The following CYP2C8 variants were observed in gnomAD, a reference collection of about 807,000 sequenced individuals.
CYP2C8 encodes cytochrome P450 2C8.
A neutral mutation model predicts 41.3 loss-of-function variants in CYP2C8; 51 were observed. The observed-to-expected ratio is 1.24, with a 90% CI of 0.99 to 1.56. The LOEUF is 1.56. Among genes scored for constraint, CYP2C8 ranks in the 40% most tolerant of loss-of-function variants. The pLI is 0.00. For synonymous variants in CYP2C8, 218 were observed against 205.8 expected (o/e 1.06, Z -0.51); for missense variants, 651 against 579.9 (o/e 1.12, Z -1.26).
rs532185977 is a variant in CYP2C8 at position 95,069,432 on chromosome 10, G to A, written c.-30C>T. 4.6e-5 allele frequency: 73 copies of A among 1,601,652 alleles called. No homozygotes were observed. The South Asian group carries it at 7.0e-4, about 15-fold the overall frequency. On this transcript the variant is annotated 5_prime_UTR_variant, in exon 1 of 9. Transcript: ENST00000371270. Reference sequence around the variant, plus strand: ...GCCTTCTCTTCTTATTAAGACAGCTGTGAGCTTGCACTCCAAAGTTTTTAT... The same window carrying A: ...GCCTTCTCTTCTTATTAAGACAGCTATGAGCTTGCACTCCAAAGTTTTTAT...
intron 3 of CYP2C8, 44 bp from the exon 4 acceptor site, chr10:95,065,004 A>G (rs1002508629): frequency 3.7e-6 from 5 of 1,353,164 alleles, no homozygotes; most frequent in East Asian, 2.8e-5. Flanking sequence ...AAAAATAAAT[A>G]TTTAAAAGAT....
chr10:95,063,196 G>T (rs146803608), intron 4 of CYP2C8, among the ~76,000 whole-genome samples: 2 of 152,120 alleles, frequency 1.3e-5, no homozygotes, highest in African/African-American at 2.4e-5. Flanking sequence ...GCCTTCCTAG[G>T]TTGGGGAAGT....
In CYP2C8 at chr10:95,042,998, G is replaced by A. The variant is rs1033533057; in HGVS notation, c.1041C>T (p.Tyr347=). ...PCMQDRSHMP[Y]TDAVVHEIQR... ...GGATCTCGTGCACTACAGCATCAGT[G>A]TAAGGCATGTGGCTCCTATCCTGCA... is the stretch of plus-strand genomic sequence containing the variant. The change falls in exon 7 of 9, where the codon TAC becomes TAT. Residue 347 remains tyrosine (Y), a synonymous_variant. Transcript: ENST00000371270. The A allele has an allele frequency of 1.7e-5, 27 of 1,614,202 alleles. No individual in the cohort carries two copies. The highest frequency in any genetic ancestry group is 2.2e-5 in the Non-Finnish European group (26 of 1,180,020).
chr10:95,043,011 C>T lies in CYP2C8; in HGVS notation c.1028G>A (p.Ser343Asn), dbSNP rs148442781. 6.2e-7 allele frequency: 1 copy of T among 1,614,146 alleles called. No homozygotes were observed. Among genetic ancestry groups the T allele is most frequent in the South Asian group, 1.1e-5 (1 of 91,080 alleles). ...TACAGCATCAGTGTAAGGCATGTGG[C>T]TCCTATCCTGCATGCAGGGGCTCCT... is the stretch of plus-strand genomic sequence containing the variant. ...RHRSPCMQDR[S>N]HMPYTDAVVH... Residue 343 changes from serine to asparagine, a missense_variant, in exon 7 of 9, where the codon AGC becomes AAC. By Grantham distance (46) the Ser-to-Asn change is conservative. Transcript: ENST00000371270.
chr10:95,063,572 C>T (rs536777119), intron 4 of CYP2C8, among the ~76,000 whole-genome samples: 16 of 152,122 alleles, frequency 1.1e-4, no homozygotes, highest in South Asian at 2.1e-4. Flanking sequence ...AACTTCTTTG[C>T]GATGGGTTTG....
chr10:95,045,780 A>G (rs1207581415), intron 6 of CYP2C8, 30 bp downstream of exon 6: 1 of 1,613,696 alleles, frequency 6.2e-7, no homozygotes, highest in South Asian at 1.1e-5. Context: ...TTGTTCTGAA[A>G]TTCACTTTGT....
At chr10:95,047,506 G>A (rs1287611150) in intron 5 of CYP2C8, among the ~76,000 whole-genome samples, 6 of 152,092 alleles carry the variant, frequency 3.9e-5, no homozygotes, top group Non-Finnish European at 7.4e-5. Context: ...GAAATATAGT[G>A]AAAGAGAATG....
chr10:95,041,004 T>A (rs530876390), intron 7 of CYP2C8: 1 of 456,150 alleles, frequency 2.2e-6, no homozygotes, highest in African/African-American at 2.0e-5. Flanking sequence ...GACCAAAATA[T>A]CTTATGAATA....
At chr10:95,068,268 A>C (rs938531465) in intron 1 of CYP2C8, among the ~76,000 whole-genome samples, 6 of 151,444 alleles carry the variant, frequency 4.0e-5, no homozygotes, top group Non-Finnish European at 2.9e-5. Flanking sequence ...TGGTATTACC[A>C]ATATGGAACG....
At chr10:95,047,338 A>G (rs1351034776) in intron 5 of CYP2C8, among the ~76,000 whole-genome samples, 1 of 152,168 alleles carries the variant, frequency 6.6e-6, no homozygotes, top group East Asian at 1.9e-4. Flanking sequence ...TAGTTTATAG[A>G]TATAGGTAAA....
intron 5 of CYP2C8, among the ~76,000 whole-genome samples, chr10:95,053,717 A>G (rs1385114070): frequency 3.3e-5 from 5 of 152,142 alleles, no homozygotes; most frequent in Non-Finnish European, 5.9e-5. Flanking sequence ...TTGAACAATG[A>G]GAACACATGG....
chr10:95,056,026 G>A (rs2033309224), intron 5 of CYP2C8, among the ~76,000 whole-genome samples: 1 of 152,284 alleles, frequency 6.6e-6, no homozygotes, highest in Admixed American at 6.5e-5. Flanking sequence ...CCAAGAGTCA[G>A]AGGTTGCAGT....
At chr10:95,055,552 G>A (rs1209426505) in intron 5 of CYP2C8, among the ~76,000 whole-genome samples, 2 of 151,988 alleles carry the variant, frequency 1.3e-5, no homozygotes, top group African/African-American at 2.4e-5. Context: ...AAATATTAAT[G>A]CCTTCAGAAT....
intron 4 of CYP2C8, among the ~76,000 whole-genome samples, chr10:95,061,122 C>A (rs539833835): frequency 2.0e-5 from 3 of 152,234 alleles, no homozygotes; most frequent in South Asian, 2.1e-4. Context: ...TGTGTCTCTG[C>A]CAGGCTTTGT....
At chr10:95,047,042 A>G (rs2033122671) in intron 5 of CYP2C8, among the ~76,000 whole-genome samples, 1 of 152,174 alleles carries the variant, frequency 6.6e-6, no homozygotes, top group Admixed American at 6.5e-5. Context: ...GTGAGTTCAC[A>G]TAAGATCTGG....
chr10:95,051,934 C>G (rs1488773726), intron 5 of CYP2C8, among the ~76,000 whole-genome samples: 1 of 151,718 alleles, frequency 6.6e-6, no homozygotes, highest in Non-Finnish European at 1.5e-5. Flanking sequence ...GCAAACCAAA[C>G]CCAAAATTAG....
chr10:95,048,260 T>C (rs1424636307), intron 5 of CYP2C8, among the ~76,000 whole-genome samples: 1 of 152,200 alleles, frequency 6.6e-6, no homozygotes, highest in Non-Finnish European at 1.5e-5. Context: ...TAATTGAACA[T>C]TGACATCTTT....
At chr10:95,067,775 G>A in intron 1 of CYP2C8, 84 bp from the exon 2 acceptor site, 1 of 1,371,756 alleles carries the variant, frequency 7.3e-7, no homozygotes. Context: ...CATTTTCATT[G>A]TATTTTTTAA....
At chr10:95,062,514 T>C (rs1210175783) in intron 4 of CYP2C8, among the ~76,000 whole-genome samples, 2 of 152,200 alleles carry the variant, frequency 1.3e-5, no homozygotes, top group Non-Finnish European at 2.9e-5. Context: ...TCCTTCCCTT[T>C]ATTTTGAGCC....
Sources: gnomAD v4.1 joint callset for allele counts (sites outside exome capture counted in the v4.1 genomes callset) on GRCh38, gnomAD v4.1.1 for gene constraint, MANE v1.5 for transcripts, NCBI Gene and HGNC (gene_info 2026-07-23, HGNC 2026-07-21) for gene names.